CASZ1: variants seen among roughly 807,000 people sequenced by gnomAD.
CASZ1 encodes the protein zinc finger protein castor homolog 1.
Under a neutral mutation model 135.2 loss-of-function variants are expected in CASZ1, and 28 were observed. The observed-to-expected ratio is 0.21, with a 90% confidence interval of 0.15 to 0.28. CASZ1 has a LOEUF of 0.28. Among genes scored for constraint, CASZ1 ranks in the 10% least tolerant of loss-of-function variants. CASZ1 has a pLI of 1.00. For synonymous variants in CASZ1, 1,068 were observed against 1,073.4 expected (o/e 0.99, Z 0.10); for missense variants, 2,161 against 2,453.3 (o/e 0.88, Z 2.52).
chr1:10,653,540 C>A lies in CASZ1; in HGVS notation c.2517G>T (p.Leu839=). ...CTGAGTCTCCAGCTCCCGAGGCGAC[C>A]AGCGTGGGTGTGTCAGGGGTGGCTG... The part of the protein sequence containing the change: ...AASATPDTPT[L]VASGAGDSAP... Residue 839 remains leucine, a synonymous_variant, in exon 11 of 21, where the codon CTG becomes CTT. Coordinates refer to ENST00000377022, the MANE Select transcript of CASZ1 (RefSeq NM_001079843.3). The A allele has an allele frequency of 6.3e-7, 1 of 1,598,678 alleles. No individual in the cohort carries two copies. The highest frequency in any genetic ancestry group is 8.5e-7 in the Non-Finnish European group (1 of 1,171,340).
chr1:10,738,454 C>A (rs1639843858), intron 2 of CASZ1, among the ~76,000 whole-genome samples: 1 of 152,246 alleles, frequency 6.6e-6, no homozygotes, highest in Admixed American at 6.5e-5. Context: ...AGGACAATGG[C>A]TGGCAGAGAG....
intron 10 of CASZ1, 88 bp downstream of exon 10, chr1:10,654,331 G>A: frequency 6.3e-7 from 1 of 1,576,254 alleles, no homozygotes; most frequent in Admixed American, 1.7e-5. Flanking sequence ...GGACACCGAG[G>A]CAGGGGCCTG....
rs1212625170 is a variant in CASZ1, at chr1:10,700,111, A to ACACACACACACACACACCCACC, written c.-24+5380_-24+5381insGGTGGGTGTGTGTGTGTGTGTG. The stretch of plus-strand genomic sequence containing the variant: ...CACACACACACACACACACACACAC[A>ACACACACACACACACACCCACC]CACACAGAGTATGAAGCAGGGACCT... On this transcript the variant is annotated intron_variant, in intron 3 of 20. Transcript: ENST00000377022. The surrounding 1 kb of genome is among the most constrained non-coding windows in gnomAD (Gnocchi z 4.2). Among the ~76,000 whole-genome samples, 33 of 152,022 alleles carry ACACACACACACACACACCCACC rather than the reference A, an allele frequency of 2.2e-4. No individual in the cohort carries two copies. In the East Asian group the frequency reaches 5.5e-3, roughly 25 times the overall value.
At position 10,669,870 on chromosome 1, in the gene CASZ1, G is replaced by T. The variant is rs1057157077; in HGVS notation, c.17-4299C>A. On this transcript the variant is annotated intron_variant, in intron 4 of 20. Transcript: ENST00000377022. ...GGCTGCCTGTCAGCTCCCAGGCTCC[G>T]GGTGCTTTATGGGCTCTGCTTGGTG... Among the ~76,000 whole-genome samples, 11 of 152,298 alleles carry T rather than the reference G, an allele frequency of 7.2e-5. No homozygotes were observed. In the South Asian group the frequency reaches 1.9e-3, roughly 26 times the overall value.
At position 10,646,308 on chromosome 1, in the gene CASZ1, C is replaced by T. The variant is rs540641949; in HGVS notation, c.3516G>A (p.Thr1172=). 82 of 1,614,040 alleles carry T rather than the reference C, an allele frequency of 5.1e-5. 1 individual carries two copies. Among genetic ancestry groups the T allele is most frequent in the South Asian group, 4.1e-4 (37 of 91,072 alleles). ...GGAACTTGTTGGCGTACTTGCAGTC[C>T]GTGGCGAGGCAAGGATCGCTGGAAG... The part of the protein sequence containing the change: ...QFQENDPCLA[T]DCKYANKFHF... The change falls in exon 17 of 21, where the codon ACG becomes ACA. Residue 1172 remains threonine (T), a synonymous_variant. Transcript: ENST00000377022. This position sits in a 1 kb window ranked among gnomAD's most constrained non-coding sequence, Gnocchi z 6.4.
rs746297342 is a variant in CASZ1 at position 10,697,110 on chromosome 1, G to A, written c.-23-3198C>T. On this transcript the variant is annotated intron_variant, in intron 3 of 20. Transcript: ENST00000377022. This position sits in a 1 kb window ranked among gnomAD's most constrained non-coding sequence, Gnocchi z 4.7. Reference sequence around the variant, plus strand: ...GGAAAAGGCCTTCAGTGGAGGAGCAGCGGTCAGAGAAGCAAGAAACAGGCC... The same window carrying A: ...GGAAAAGGCCTTCAGTGGAGGAGCAACGGTCAGAGAAGCAAGAAACAGGCC... Among the ~76,000 whole-genome samples the A allele has an allele frequency of 6.6e-6, 1 of 152,238 alleles. No homozygotes were observed. The highest frequency in any genetic ancestry group is 1.5e-5 in the Non-Finnish European group (1 of 68,042).
chr1:10,657,307 C>T lies in CASZ1; in HGVS notation c.1410-571G>A, dbSNP rs1241480341. ...TGCTGCCTCCCAGGAAACCCGTCCT[C>T]CTCCAGGCCCCAGGGCCGCTGGGAC... On this transcript the variant is annotated intron_variant, in intron 7 of 20. Coordinates refer to ENST00000377022, the MANE Select transcript of CASZ1 (RefSeq NM_001079843.3). This position sits in a 1 kb window ranked among gnomAD's most constrained non-coding sequence, Gnocchi z 5.7. Among the ~76,000 whole-genome samples, 1 of 152,238 alleles carries T rather than the reference C, an allele frequency of 6.6e-6. No individual in the cohort carries two copies. The highest frequency in any genetic ancestry group is 1.5e-5 in the Non-Finnish European group (1 of 68,046).
At chr1:10,778,617 C>T (rs761610092) in intron 1 of CASZ1, among the ~76,000 whole-genome samples, 3 of 152,112 alleles carry the variant, frequency 2.0e-5, no homozygotes, top group Non-Finnish European at 2.9e-5. Context: ...TCCCCTCTCG[C>T]GGTCTTTCTT....
chr1:10,674,835 G>A (rs1025980118), intron 4 of CASZ1, among the ~76,000 whole-genome samples: 1 of 152,076 alleles, frequency 6.6e-6, no homozygotes, highest in African/African-American at 2.4e-5. Flanking sequence ...CTTCTTCCTG[G>A]GCCTCACCTG....
At chr1:10,668,639 C>A (rs1056157607) in intron 4 of CASZ1, among the ~76,000 whole-genome samples, 1 of 152,262 alleles carries the variant, frequency 6.6e-6, no homozygotes, top group Non-Finnish European at 1.5e-5. Flanking sequence ...TCTGGCCCCA[C>A]GGGCTCTGGC....
rs774760057 is a variant in CASZ1, at chr1:10,724,453, A to T, written c.-76-18909T>A. ...ACCTGAGCTATTAAACCCGGGGGCC[A>T]GGTGGTACCTACCAGCTGTCAGCCA... On this transcript the variant is annotated intron_variant, in intron 2 of 20. Coordinates refer to ENST00000377022, the MANE Select transcript of CASZ1 (RefSeq NM_001079843.3). This position sits in a 1 kb window ranked among gnomAD's most constrained non-coding sequence, Gnocchi z 4.1. 2.0e-5 allele frequency among the ~76,000 whole-genome samples: 3 copies of T among 152,234 alleles called. No homozygotes were observed. Among genetic ancestry groups the T allele is most frequent in the Non-Finnish European group, 2.9e-5 (2 of 68,046 alleles).
At chr1:10,722,571 A>G (rs1302828280) in intron 2 of CASZ1, among the ~76,000 whole-genome samples, 1 of 152,230 alleles carries the variant, frequency 6.6e-6, no homozygotes, top group East Asian at 1.9e-4. Flanking sequence ...CCAAGTTTCC[A>G]AGGACACTGA....
chr1:10,668,276 C>T (rs1458469276), intron 4 of CASZ1, among the ~76,000 whole-genome samples: 2 of 152,236 alleles, frequency 1.3e-5, no homozygotes, highest in Non-Finnish European at 2.9e-5. Context: ...TGACCCCAGA[C>T]TCCTGTCCAT....
At position 10,653,974 on chromosome 1, in the gene CASZ1, G is replaced by A. The variant is rs1339287047; in HGVS notation, c.2083C>T (p.Arg695Trp). 7.4e-6 allele frequency: 12 copies of A among 1,613,832 alleles called. No individual in the cohort carries two copies. The highest frequency in any genetic ancestry group is 1.3e-5 in the African/African-American group (1 of 74,942). ...AGCGCGCCCGAGGAGCGGATGTGCC[G>A]GCGCTCATGCTTGCGCTTGTGAGAG... ...MTSHKRKHER[R>W]HIRSSGALGL... Residue 695 changes from arginine to tryptophan, a missense_variant, in exon 11 of 21, where the codon CGG becomes TGG. Physicochemically the swap from Arg to Trp is moderately radical, Grantham distance 101. Transcript: ENST00000377022.
intron 2 of CASZ1, among the ~76,000 whole-genome samples, chr1:10,705,807 G>A (rs978029820): frequency 1.3e-5 from 2 of 152,242 alleles, no homozygotes; most frequent in African/African-American, 2.4e-5. Flanking sequence ...TGGTCCTCAG[G>A]ACCTCCCTAG....
At chr1:10,766,327 C>G (rs1351347079) in intron 1 of CASZ1, among the ~76,000 whole-genome samples, 1 of 152,234 alleles carries the variant, frequency 6.6e-6, no homozygotes, top group Admixed American at 6.5e-5. Flanking sequence ...GGCTCTGCCA[C>G]CCACAAGCTG....
intron 15 of CASZ1, 66 bp from the exon 16 acceptor site, chr1:10,648,205 T>C: frequency 8.4e-7 from 1 of 1,187,310 alleles, no homozygotes; most frequent in Non-Finnish European, 1.2e-6. Flanking sequence ...GGCATGCATG[T>C]GACCCCATCA....
intron 1 of CASZ1, among the ~76,000 whole-genome samples, chr1:10,779,445 C>T (rs1427927017): frequency 6.6e-6 from 1 of 152,120 alleles, no homozygotes; most frequent in Non-Finnish European, 1.5e-5. Flanking sequence ...CAGCGCCCTG[C>T]GGGGGCCGTG....
Position 10,788,713 on chromosome 1 carries a change from G to A in CASZ1, c.-234+7851C>T, listed in dbSNP as rs1387352208. Among the ~76,000 whole-genome samples, 1 of 152,298 alleles carries A rather than the reference G, an allele frequency of 6.6e-6. No homozygotes were observed. The highest frequency in any genetic ancestry group is 3.4e-3 in the Middle Eastern group (1 of 294). On this transcript the variant is annotated intron_variant, in intron 1 of 20. Coordinates refer to ENST00000377022, the MANE Select transcript of CASZ1 (RefSeq NM_001079843.3). This position sits in a 1 kb window ranked among gnomAD's most constrained non-coding sequence, Gnocchi z 4.1. Reference sequence around the variant, plus strand: ...CCCTGACCGCTGCCTCCTCACCCGGGAGCTGCCCCGGCCTCATCCTTGCTT... The same window carrying A: ...CCCTGACCGCTGCCTCCTCACCCGGAAGCTGCCCCGGCCTCATCCTTGCTT...
Sources: allele counts gnomAD v4.1 joint callset (sites outside exome capture counted in the v4.1 genomes callset), GRCh38; gene constraint gnomAD v4.1.1; non-coding constraint Gnocchi (gnomAD v3.1); transcripts MANE v1.5; gene names NCBI Gene and HGNC (gene_info 2026-07-23, HGNC 2026-07-21).